The following RASSF8 variants were observed in gnomAD, a reference collection of about 807,000 sequenced individuals.
RASSF8 encodes ras association domain-containing protein 8.
A neutral mutation model predicts 48.5 loss-of-function variants in RASSF8; 22 were observed. The observed-to-expected ratio is 0.45, with a 90% confidence interval of 0.32 to 0.65. RASSF8 has a LOEUF of 0.65. Among genes scored for constraint, RASSF8 ranks in the 30% least tolerant of loss-of-function variants. The pLI is 0.03. For synonymous variants in RASSF8, 127 were observed against 171.5 expected, an observed-to-expected ratio of 0.74 and a Z score of 2.03; for missense variants, 418 against 489.2, an observed-to-expected ratio of 0.85 and a Z score of 1.37.
chr12:26,050,518 G>C (rs1943469575), intron 2 of RASSF8, among the ~76,000 whole-genome samples: 1 of 152,160 alleles, frequency 6.6e-6, no homozygotes. Flanking sequence ...TCACACAAGA[G>C]GTAGTAGACT....
At chr12:25,972,655 T>C (rs1941509870) in intron 1 of RASSF8, among the ~76,000 whole-genome samples, 1 of 152,146 alleles carries the variant, frequency 6.6e-6, no homozygotes, top group African/African-American at 2.4e-5. Flanking sequence ...TGATAAGAAT[T>C]TTTGTATTTT....
At chr12:25,990,858 C>G (rs16929846) in intron 1 of RASSF8, among the ~76,000 whole-genome samples, 21,182 of 152,128 alleles carry the variant, frequency 0.14, 1,794 homozygotes, top group East Asian at 0.27. Flanking sequence ...TGAATATTTA[C>G]AATTTCAAAC....
At chr12:25,958,641 C>G (rs1238589276), upstream of RASSF8, 1 of 143,496 alleles carries the variant, frequency 7.0e-6, no homozygotes, top group Non-Finnish European at 1.5e-5. Flanking sequence ...GCCGCCCGGC[C>G]CGGCCCGGCC....
chr12:26,039,243 G>GT (rs35840181), intron 2 of RASSF8, among the ~76,000 whole-genome samples: 2 of 152,108 alleles, frequency 1.3e-5, no homozygotes, highest in Admixed American at 6.6e-5. Context: ...TCTTCATTCT[G>GT]TTTTTTTCTT....
intron 2 of RASSF8, among the ~76,000 whole-genome samples, chr12:26,041,616 T>C (rs944657469): frequency 6.6e-6 from 1 of 152,084 alleles, no homozygotes. Flanking sequence ...CCCATATATA[T>C]CTACATACAT....
intron 2 of RASSF8, among the ~76,000 whole-genome samples, chr12:26,020,845 A>G (rs1942771204): frequency 6.6e-6 from 1 of 152,132 alleles, no homozygotes; most frequent in Admixed American, 6.5e-5. Context: ...ACCTGAGAAA[A>G]TTTCTGAAGC....
chr12:25,994,276 T>G (rs1942080011), intron 1 of RASSF8, among the ~76,000 whole-genome samples: 1 of 30,892 alleles, frequency 3.2e-5, no homozygotes, highest in African/African-American at 7.6e-5. Context: ...TGGATAGATT[T>G]TTAAAAAAAA....
At chr12:26,026,427 T>C (rs1942914260) in intron 2 of RASSF8, among the ~76,000 whole-genome samples, 1 of 152,102 alleles carries the variant, frequency 6.6e-6, no homozygotes, top group Non-Finnish European at 1.5e-5. Flanking sequence ...TTGGCTGTAA[T>C]ATTAGTTAGT....
At chr12:26,017,770 C>T (rs1005262296) in intron 2 of RASSF8, among the ~76,000 whole-genome samples, 2 of 152,222 alleles carry the variant, frequency 1.3e-5, no homozygotes, top group Admixed American at 6.5e-5. Flanking sequence ...AAGCAAAAGC[C>T]GCTCCTCTTG....
At position 26,070,427 on chromosome 12, in the gene RASSF8, G is replaced by A. The variant is rs1429536086; in HGVS notation, c.*1609G>A. 2 of 985,224 alleles carry A rather than the reference G, an allele frequency of 2.0e-6. No homozygotes were observed. The highest frequency in any genetic ancestry group is 2.4e-6 in the Non-Finnish European group (2 of 829,894). The allele number at this position is 985,224 out of a possible 1,614,324, so 61.0% of individuals were successfully genotyped here. ...ATAATGCAGAGTTGCCTTTTCTAGT[G>A]CAGCTAAGTGGCGGACCTCAACTGA... On this transcript the variant is annotated 3_prime_UTR_variant, in exon 6 of 6. Coordinates refer to ENST00000689635, the MANE Select transcript of RASSF8 (RefSeq NM_001394098.1).
intron 2 of RASSF8, chr12:26,020,533 TA>T: frequency 6.6e-6 from 1 of 152,288 alleles, no homozygotes; most frequent in South Asian, 2.1e-4. Context: ...ACTTTTTTTT[TA>T]AAAGAATATT....
chr12:26,043,751 A>T (rs988153229), intron 2 of RASSF8, among the ~76,000 whole-genome samples: 2 of 152,224 alleles, frequency 1.3e-5, no homozygotes, highest in African/African-American at 4.8e-5. Flanking sequence ...GAGAGAAAGA[A>T]TGGACGATTG....
rs146107379 is a variant in RASSF8, at chr12:26,001,446, A to C, written c.-109+6316A>C. On this transcript the variant is annotated intron_variant, in intron 2 of 5. Transcript: ENST00000689635. ...TTACTTTATGAACTTTTTAATTTTA[A>C]CTTTTTGATTCTTTTGTGATAACAC... Among the ~76,000 whole-genome samples the C allele has an allele frequency of 8.9e-4, 135 of 152,230 alleles. 1 individual carries two copies. The highest frequency in any genetic ancestry group is 3.4e-3 in the Middle Eastern group (1 of 294).
chr12:26,006,535 C>G (rs999713753), intron 2 of RASSF8, among the ~76,000 whole-genome samples: 1 of 152,176 alleles, frequency 6.6e-6, no homozygotes, highest in Non-Finnish European at 1.5e-5. Context: ...TTGTCTCGCT[C>G]TAGACGTGGA....
intron 2 of RASSF8, among the ~76,000 whole-genome samples, chr12:26,045,344 G>T (rs1943350309): frequency 6.6e-6 from 1 of 152,112 alleles, no homozygotes; most frequent in African/African-American, 2.4e-5. Flanking sequence ...TTTGCCTGCT[G>T]TGCTCATTAA....
At chr12:25,978,450 G>A (rs1941661707) in intron 1 of RASSF8, among the ~76,000 whole-genome samples, 1 of 152,152 alleles carries the variant, frequency 6.6e-6, no homozygotes, top group Non-Finnish European at 1.5e-5. Flanking sequence ...ATATAAATAT[G>A]TTAATAAGTA....
chr12:26,059,297 G>C (rs752637541), intron 3 of RASSF8, among the ~76,000 whole-genome samples: 1 of 152,110 alleles, frequency 6.6e-6, no homozygotes, highest in Admixed American at 6.6e-5. Context: ...TCTGATCCAC[G>C]GTACTTTGAT....
At chr12:25,980,882 TG>T (rs1434216805) in intron 1 of RASSF8, among the ~76,000 whole-genome samples, 17 of 152,354 alleles carry the variant, frequency 1.1e-4, no homozygotes, top group Admixed American at 4.6e-4. Context: ...TATATCATCC[TG>T]TCTCCTTTAA....
In RASSF8 at chr12:25,959,129, C is replaced by G. The variant is rs575544437; in HGVS notation, c.-222C>G. On this transcript the variant is annotated 5_prime_UTR_variant, in exon 1 of 6. Coordinates refer to ENST00000689635, the MANE Select transcript of RASSF8 (RefSeq NM_001394098.1). The stretch of plus-strand genomic sequence containing the variant: ...GGCCCCTCTGGGCGGCCTGCGGGGG[C>G]GGCGCAGTTGCGAAACTGAGTAAGT... 53 of 151,438 alleles carry G rather than the reference C, an allele frequency of 3.5e-4. No homozygotes were observed. Among genetic ancestry groups the G allele is most frequent in the African/African-American group, 1.2e-3 (50 of 41,460 alleles). The allele number at this position is 151,438 out of a possible 1,614,324, so 9.4% of individuals were successfully genotyped here.
Sources: gnomAD v4.1 joint callset for allele counts (sites outside exome capture counted in the v4.1 genomes callset) on GRCh38, gnomAD v4.1.1 for gene constraint, MANE v1.5 for transcripts, NCBI Gene and HGNC (gene_info 2026-07-23, HGNC 2026-07-21) for gene names.